KCNJ5: variants seen among roughly 807,000 people sequenced by gnomAD.
KCNJ5 encodes G protein-activated inward rectifier potassium channel 4.
Under a neutral mutation model 20.2 loss-of-function variants are expected in KCNJ5, and 12 were observed. That is an observed-to-expected ratio of 0.59 (90% CI 0.38 to 0.96). The LOEUF (loss-of-function observed/expected upper bound fraction) is 0.96, where lower values mean the gene tolerates loss of function less well. Among genes scored for constraint, KCNJ5 ranks in the 40% least tolerant of loss-of-function variants. The probability of loss-of-function intolerance (pLI) is 0.00; values close to 1 mark genes in which losing one functional copy is unlikely to be tolerated. For synonymous variants in KCNJ5, 210 were observed against 213.9 expected, an observed-to-expected ratio of 0.98 and a Z score of 0.16; for missense variants, 449 against 557.6, an observed-to-expected ratio of 0.81 and a Z score of 1.96.
At chr11:128,914,990 CTG>C (rs1944556421) in intron 2 of KCNJ5, among the ~76,000 whole-genome samples, 1 of 152,224 alleles carries the variant, frequency 6.6e-6, no homozygotes, top group South Asian at 2.1e-4. Flanking sequence ...GCAGGCATCA[CTG>C]AGAGCAGAGA....
In KCNJ5 at chr11:128,917,850, T is replaced by G. The variant is rs890641113; in HGVS notation, c.*1119T>G. ...GCGGGTGGATCATGAGGTCAGGAGA[T>G]CGAGACCATCCTGGCTAACACGGTG... On this transcript the variant is annotated 3_prime_UTR_variant, in exon 3 of 3. Transcript: ENST00000529694. The G allele has an allele frequency of 1.3e-5, 2 of 152,332 alleles. No individual in the cohort carries two copies. The highest frequency in any genetic ancestry group is 2.9e-5 in the Non-Finnish European group (2 of 68,258). 9.4% of individuals were successfully genotyped at this position (152,332 alleles called of 1,614,324 possible). A position where few individuals can be genotyped will look rare whatever the true frequency, so the allele number is the denominator to read the frequency against.
intron 1 of KCNJ5, chr11:128,904,630 C>G (rs774138519): frequency 6.6e-5 from 48 of 730,930 alleles, no homozygotes; most frequent in Non-Finnish European, 1.0e-4. Context: ...TCAGAACCCG[C>G]ATTTTAGCCA....
intron 1 of KCNJ5, chr11:128,902,333 GCAGT>G: frequency 1.6e-6 from 1 of 613,740 alleles, no homozygotes; most frequent in Non-Finnish European, 2.8e-6. Context: ...CTCAGCGCTT[GCAGT>G]CAGACATCTC....
rs1472404435 is a variant in KCNJ5 at position 128,903,890 on chromosome 11, C to T, written c.-10-7374C>T. 2.6e-5 allele frequency among the ~76,000 whole-genome samples: 4 copies of T among 151,194 alleles called. 1 individual carries two copies. The highest frequency in any genetic ancestry group is 9.8e-5 in the African/African-American group (4 of 40,700). On this transcript the variant is annotated intron_variant, in intron 1 of 2. Coordinates refer to ENST00000529694, the MANE Select transcript of KCNJ5 (RefSeq NM_000890.5). ...TGGCAGGAAATCATGAGTTCCTTCC[C>T]TGGTGCTCCCCCCGGGACTCAGAAC...
intron 1 of KCNJ5, among the ~76,000 whole-genome samples, chr11:128,899,064 C>A (rs1175423189): frequency 5.3e-5 from 8 of 152,126 alleles, no homozygotes; most frequent in Non-Finnish European, 8.8e-5. Flanking sequence ...TTGTCTATCT[C>A]CTCTTTCTTG....
At chr11:128,914,863 C>T (rs369082479) in intron 2 of KCNJ5, among the ~76,000 whole-genome samples, 7 of 152,218 alleles carry the variant, frequency 4.6e-5, no homozygotes, top group Non-Finnish European at 1.0e-4. Flanking sequence ...TTTCCCAAGG[C>T]CCTGGGAGGC....
chr11:128,893,455 A>G (rs1402042139), intron 1 of KCNJ5, among the ~76,000 whole-genome samples: 1 of 152,186 alleles, frequency 6.6e-6, no homozygotes, highest in African/African-American at 2.4e-5. Flanking sequence ...ATAAAAAAGA[A>G]AAAGAAAGGA....
At chr11:128,902,509 AT>A in intron 1 of KCNJ5, 1 of 1,559,404 alleles carries the variant, frequency 6.4e-7, no homozygotes, top group Non-Finnish European at 8.7e-7. Flanking sequence ...AGCCGTCTGC[AT>A]GGGGGAGGGG....
intron 1 of KCNJ5, among the ~76,000 whole-genome samples, chr11:128,894,871 G>C (rs1317693967): frequency 6.6e-6 from 1 of 152,186 alleles, no homozygotes; most frequent in Non-Finnish European, 1.5e-5. Flanking sequence ...CCCTTGCCAA[G>C]AGCCGTGCTA....
intron 1 of KCNJ5, chr11:128,903,324 G>A (rs781193701): frequency 6.2e-7 from 1 of 1,610,330 alleles, no homozygotes; most frequent in African/African-American, 1.3e-5. Context: ...AGGATGTAGA[G>A]TGTGTCTGTG....
intron 1 of KCNJ5, chr11:128,900,519 C>T (rs917141606): frequency 1.3e-5 from 2 of 152,242 alleles, no homozygotes; most frequent in South Asian, 2.1e-4. Flanking sequence ...AATACTCTCT[C>T]GCTCCTCTGG....
chr11:128,903,205 G>T (rs1345287305), intron 1 of KCNJ5, among the ~76,000 whole-genome samples: 2 of 152,166 alleles, frequency 1.3e-5, no homozygotes, highest in East Asian at 3.8e-4. Context: ...AAAATAAAGA[G>T]AATGCAACAT....
chr11:128,898,834 G>C (rs997608210), intron 1 of KCNJ5, among the ~76,000 whole-genome samples: 4 of 151,960 alleles, frequency 2.6e-5, no homozygotes, highest in Non-Finnish European at 4.4e-5. Flanking sequence ...TCACCACCAC[G>C]CCCAGCTCAT....
At chr11:128,903,368 T>C (rs2135990104) in intron 1 of KCNJ5, 1 of 1,614,076 alleles carries the variant, frequency 6.2e-7, no homozygotes. Context: ...TGCACTCACC[T>C]CACACAGCCA....
At chr11:128,903,268 T>C (rs1382428405) in intron 1 of KCNJ5, 1 of 1,374,638 alleles carries the variant, frequency 7.3e-7, no homozygotes, top group Non-Finnish European at 9.9e-7. Flanking sequence ...AGACATCCCA[T>C]TTAAATAAAA....
chr11:128,891,457 G>GAGAGAA lies in KCNJ5; in HGVS notation c.-270_-269insAAGAGA, dbSNP rs1407256688. 3.3e-5 allele frequency: 5 copies of GAGAGAA among 151,488 alleles called. No homozygotes were observed. Among genetic ancestry groups the GAGAGAA allele is most frequent in the Non-Finnish European group, 5.9e-5 (4 of 68,344 alleles). 9.4% of individuals were successfully genotyped at this position (151,488 alleles called of 1,614,324 possible). On this transcript the variant is annotated 5_prime_UTR_variant, in exon 1 of 3. Transcript: ENST00000529694. ...ACACACACACAGAGAGAGAGAGAGA[G>GAGAGAA]AGAGAGAGAGAGAGAGAGATTGTTC...
Position 128,920,998 on chromosome 11 carries a change from G to T in KCNJ5, c.*4267G>T, listed in dbSNP as rs1944657328. On this transcript the variant is annotated 3_prime_UTR_variant, in exon 3 of 3. Transcript: ENST00000529694. Reference sequence around the variant, plus strand: ...TAGACAGGGAAGAATTGCTTTCGGGGAGAAGCCACTTACTCGGCTCGCCTT... The same window carrying T: ...TAGACAGGGAAGAATTGCTTTCGGGTAGAAGCCACTTACTCGGCTCGCCTT... 1 of 152,236 alleles carries T rather than the reference G, an allele frequency of 6.6e-6. No homozygotes were observed. The highest frequency in any genetic ancestry group is 1.5e-5 in the Non-Finnish European group (1 of 68,048). 9.4% of individuals were successfully genotyped at this position (152,236 alleles called of 1,614,324 possible).
At position 128,891,465 on chromosome 11, in the gene KCNJ5, G is replaced by GAGAGAGAGAA. The variant is rs1565540597; in HGVS notation, c.-258_-257insAAGAGAGAGA. 2.6e-5 allele frequency: 4 copies of GAGAGAGAGAA among 152,552 alleles called. No homozygotes were observed. Among genetic ancestry groups the GAGAGAGAGAA allele is most frequent in the African/African-American group, 9.7e-5 (4 of 41,264 alleles). The allele number at this position is 152,552 out of a possible 1,614,324, so 9.4% of individuals were successfully genotyped here. ...ACAGAGAGAGAGAGAGAGAGAGAGA[G>GAGAGAGAGAA]AGAGAGAGAGATTGTTCCAGCTGCT... On this transcript the variant is annotated 5_prime_UTR_variant, in exon 1 of 3. Transcript: ENST00000529694.
chr11:128,913,843 C>G (rs912298783), intron 2 of KCNJ5, among the ~76,000 whole-genome samples: 2 of 152,234 alleles, frequency 1.3e-5, no homozygotes, highest in African/African-American at 2.4e-5. Flanking sequence ...ATACTAGCGG[C>G]CTGTCAGGAA....
Sources: gnomAD v4.1 joint callset for allele counts (sites outside exome capture counted in the v4.1 genomes callset) on GRCh38, gnomAD v4.1.1 for gene constraint, MANE v1.5 for transcripts, NCBI Gene and HGNC (gene_info 2026-07-23, HGNC 2026-07-21) for gene names.